Variants in GRM5 observed in about 807,000 individuals in gnomAD.
The protein encoded by GRM5 is glutamate metabotropic receptor 5.
Under a neutral mutation model 83.1 loss-of-function variants are expected in GRM5, and 19 were observed. The ratio of observed to expected loss-of-function variants is 0.23; its 90% CI spans 0.16 to 0.34. The LOEUF (loss-of-function observed/expected upper bound fraction) is 0.34. Ranked by LOEUF, GRM5 falls within the 10% of genes least tolerant of loss-of-function variation. The pLI, the probability that GRM5 is intolerant of heterozygous loss-of-function variation, is 1.00. For synonymous variants in GRM5, 675 were observed against 633.6 expected, an observed-to-expected ratio of 1.07 and a Z score of -0.98; for missense variants, 1,160 against 1,588.3, an observed-to-expected ratio of 0.73 and a Z score of 4.58.
In GRM5 at chr11:88,653,223, C is replaced by T. The variant is rs922516578; in HGVS notation, c.1092G>A (p.Gln364=). 6.2e-6 allele frequency: 10 copies of T among 1,612,944 alleles called. No homozygotes were observed. Among genetic ancestry groups the T allele is most frequent in the Non-Finnish European group, 8.5e-6 (10 of 1,179,328 alleles). ...WFQEFWQHRF[Q]CRLEGFPQEN... ...CCTGTGGAAACCCTTCCAGTCGGCA[C>T]TGAAAACGATGCTGCCAAAATTCTT... The change falls in exon 4 of 10, where the codon CAG becomes CAA. Residue 364 remains glutamine, a synonymous_variant. Transcript: ENST00000305447.
intron 3 of GRM5, among the ~76,000 whole-genome samples, chr11:88,671,012 C>T (rs1940179554): frequency 6.6e-6 from 1 of 152,014 alleles, no homozygotes; most frequent in African/African-American, 2.4e-5. Flanking sequence ...TGTTCACTGA[C>T]AGAGCAGGAG....
chr11:89,007,441 T>C (rs1468995494), intron 2 of GRM5, among the ~76,000 whole-genome samples: 1 of 152,242 alleles, frequency 6.6e-6, no homozygotes, highest in Non-Finnish European at 1.5e-5. Context: ...GGTCACATTA[T>C]TAATAATCAA....
At chr11:89,000,790 A>T (rs1388405344) in intron 2 of GRM5, among the ~76,000 whole-genome samples, 2 of 152,138 alleles carry the variant, frequency 1.3e-5, no homozygotes, top group Admixed American at 1.3e-4. Context: ...CTGGGAGAAG[A>T]TATTTGCAAA....
intron 3 of GRM5, among the ~76,000 whole-genome samples, chr11:88,740,764 C>A (rs986137444): frequency 2.0e-5 from 3 of 152,020 alleles, no homozygotes; most frequent in African/African-American, 7.2e-5. Flanking sequence ...AGTATGTGCA[C>A]AAGGCATGCT....
At chr11:88,875,731 CA>C (rs2135566748) in intron 2 of GRM5, among the ~76,000 whole-genome samples, 1 of 152,140 alleles carries the variant, frequency 6.6e-6, no homozygotes, top group South Asian at 2.1e-4. Context: ...GGCATGAAAA[CA>C]ACATTAATCT....
chr11:88,762,564 C>T (rs535823417), intron 3 of GRM5, among the ~76,000 whole-genome samples: 3 of 152,020 alleles, frequency 2.0e-5, no homozygotes, highest in African/African-American at 4.8e-5. Context: ...AAAGGGGAAA[C>T]TTATACACTG....
intron 2 of GRM5, among the ~76,000 whole-genome samples, chr11:88,960,313 T>G (rs1239507505): frequency 2.6e-5 from 4 of 152,256 alleles, no homozygotes; most frequent in Non-Finnish European, 5.9e-5. Context: ...ACAATTACTG[T>G]GTGTCAGGCT....
In GRM5 at chr11:88,932,573, T is replaced by TA. The variant is rs1343929994; in HGVS notation, c.662-82419dup. On this transcript the variant is annotated intron_variant, in intron 2 of 9. Transcript: ENST00000305447. Reference sequence around the variant, plus strand: ...ATTAATAAGATGTTATATAAATATATAAAAAATAAGCAGGTTTTATATCTG... The same window carrying TA: ...ATTAATAAGATGTTATATAAATATATAAAAAAATAAGCAGGTTTTATATCTG... Among the ~76,000 whole-genome samples, 8 of 151,960 alleles carry TA rather than the reference T, an allele frequency of 5.3e-5. No individual in the cohort carries two copies. In the East Asian group the frequency reaches 1.5e-3, roughly 29 times the overall value.
intron 3 of GRM5, among the ~76,000 whole-genome samples, chr11:88,805,147 A>G (rs187927699): frequency 1.3e-5 from 2 of 151,942 alleles, no homozygotes; most frequent in Admixed American, 6.6e-5. Flanking sequence ...ACATGCATCA[A>G]CTCATGAGTG....
chr11:88,592,024 C>A (rs750490942), intron 6 of GRM5, among the ~76,000 whole-genome samples: 1 of 152,108 alleles, frequency 6.6e-6, no homozygotes, highest in African/African-American at 2.4e-5. Context: ...AATAAGGGAT[C>A]AAACAATGTA....
At chr11:88,552,605 T>C (rs927817609) in intron 8 of GRM5, among the ~76,000 whole-genome samples, 1 of 152,110 alleles carries the variant, frequency 6.6e-6, no homozygotes, top group African/African-American at 2.4e-5. Context: ...GAACTTCGCC[T>C]GCCACCTACT....
chr11:88,720,809 T>TGTGTGTGC (rs1555001339), intron 3 of GRM5, among the ~76,000 whole-genome samples: 3 of 134,488 alleles, frequency 2.2e-5, no homozygotes, highest in Admixed American at 8.0e-5. Flanking sequence ...TGTGTGTGTG[T>TGTGTGTGC]GTGTGTGTGT....
At chr11:88,976,339 T>G (rs1939334301) in intron 2 of GRM5, among the ~76,000 whole-genome samples, 1 of 152,190 alleles carries the variant, frequency 6.6e-6, no homozygotes, top group South Asian at 2.1e-4. Context: ...GGCTGGAGTG[T>G]ACTTCGGTCT....
chr11:88,819,413 G>A (rs1943747163), intron 3 of GRM5, among the ~76,000 whole-genome samples: 1 of 152,120 alleles, frequency 6.6e-6, no homozygotes, highest in Non-Finnish European at 1.5e-5. Context: ...TAATGAATCA[G>A]TCTAAATTAA....
rs496304 is a variant in GRM5 at position 88,985,489 on chromosome 11, T to C, written c.661+61723A>G. Among the ~76,000 whole-genome samples the C allele has an allele frequency of 8.4e-3, 1,282 of 152,258 alleles. 19 individuals are homozygous for C. The highest frequency in any genetic ancestry group is 0.029 in the African/African-American group (1,215 of 41,568). On this transcript the variant is annotated intron_variant, in intron 2 of 9. Coordinates refer to ENST00000305447, the MANE Select transcript of GRM5 (RefSeq NM_001143831.3). Reference sequence around the variant, plus strand: ...GCTTACCCCATGAGTCCTCGTATACTGATCTCATGAAAACTCATGTATGCT... The same window carrying C: ...GCTTACCCCATGAGTCCTCGTATACCGATCTCATGAAAACTCATGTATGCT...
intron 3 of GRM5, among the ~76,000 whole-genome samples, chr11:88,730,395 T>C (rs929174350): frequency 3.2e-4 from 48 of 152,054 alleles, no homozygotes; most frequent in African/African-American, 1.0e-3. Flanking sequence ...TGTGGAGAAA[T>C]AGGAATGCTT....
At chr11:88,748,887 C>T (rs1603893) in intron 3 of GRM5, among the ~76,000 whole-genome samples, 7 of 152,012 alleles carry the variant, frequency 4.6e-5, no homozygotes, top group South Asian at 2.1e-4. Flanking sequence ...ACAACCAAAC[C>T]GAAAACAACA....
At chr11:88,712,167 C>G (rs1003880951) in intron 3 of GRM5, among the ~76,000 whole-genome samples, 5 of 152,050 alleles carry the variant, frequency 3.3e-5, no homozygotes, top group African/African-American at 1.2e-4. Context: ...CAAGATATAA[C>G]TTGGCTTTTT....
chr11:88,581,367 G>A (rs1244811086), intron 7 of GRM5, among the ~76,000 whole-genome samples: 1 of 152,166 alleles, frequency 6.6e-6, no homozygotes, highest in Non-Finnish European at 1.5e-5. Context: ...CAATTTTATG[G>A]AAGAGAAAGC....
Sources: allele counts gnomAD v4.1 joint callset (sites outside exome capture counted in the v4.1 genomes callset), GRCh38; gene constraint gnomAD v4.1.1; transcripts MANE v1.5; gene names NCBI Gene and HGNC (gene_info 2026-07-23, HGNC 2026-07-21).